Variants in CYTH3 observed in about 807,000 individuals in gnomAD.
CYTH3 encodes cytohesin-3.
In CYTH3, 23 loss-of-function variants were observed where a neutral mutation model predicts 55.1. The ratio of observed to expected loss-of-function variants is 0.42; its 90% CI spans 0.30 to 0.59. CYTH3 has a LOEUF of 0.59. CYTH3 is among the 20% of genes least tolerant of loss of function. The pLI is 0.20. For missense variants in CYTH3, 413 were observed against 524.8 expected, an observed-to-expected ratio of 0.79 and a Z score of 2.08; for synonymous variants, 249 against 194.9, an observed-to-expected ratio of 1.28 and a Z score of -2.31.
chr7:6,185,619 G>A (rs1418721879), intron 4 of CYTH3, among the ~76,000 whole-genome samples: 1 of 151,624 alleles, frequency 6.6e-6, no homozygotes, highest in Non-Finnish European at 1.5e-5. Flanking sequence ...AGAATGGTGT[G>A]AACCCGGGAG....
chr7:6,180,590 A>G (rs1783481372), intron 4 of CYTH3, among the ~76,000 whole-genome samples: 1 of 152,204 alleles, frequency 6.6e-6, no homozygotes, highest in Admixed American at 6.5e-5. Context: ...GGCCTCCTGA[A>G]CTGAGCGAGA....
chr7:6,164,180 G>GC lies in CYTH3; in HGVS notation c.*763dup. 1 of 152,556 alleles carries GC rather than the reference G, an allele frequency of 6.6e-6. No individual in the cohort carries two copies. The highest frequency in any genetic ancestry group is 2.1e-4 in the South Asian group (1 of 4,822). 9.5% of individuals were successfully genotyped at this position (152,556 alleles called of 1,614,324 possible). A position where few individuals can be genotyped will look rare whatever the true frequency, so the allele number is the denominator to read the frequency against. ...CCGTCCCTCCCCCAGCCCGTCCCGA[G>GC]CCCACCTGCTGCCCCCCGGGGCTTG... On this transcript the variant is annotated 3_prime_UTR_variant, in exon 13 of 13. Transcript: ENST00000350796.
intron 1 of CYTH3, among the ~76,000 whole-genome samples, chr7:6,216,148 T>C (rs1784418838): frequency 6.6e-6 from 1 of 152,130 alleles, no homozygotes; most frequent in Admixed American, 6.6e-5. Context: ...TATAAAAAAC[T>C]TTCCTTCTCC....
At chr7:6,265,331 G>C (rs1321016121) in intron 1 of CYTH3, among the ~76,000 whole-genome samples, 3 of 151,880 alleles carry the variant, frequency 2.0e-5, no homozygotes, top group Non-Finnish European at 4.4e-5. Flanking sequence ...AAAAAAGCTT[G>C]GCTGGGCGTG....
chr7:6,166,758 C>CT (rs1783022246), intron 9 of CYTH3, among the ~76,000 whole-genome samples: 1 of 152,142 alleles, frequency 6.6e-6, no homozygotes, highest in South Asian at 2.1e-4. Flanking sequence ...TGCAGTCCCT[C>CT]TGGGACCCTC....
intron 1 of CYTH3, among the ~76,000 whole-genome samples, chr7:6,244,112 G>C (rs1212009171): frequency 6.6e-6 from 1 of 152,170 alleles, no homozygotes; most frequent in Non-Finnish European, 1.5e-5. Flanking sequence ...CCAACATACA[G>C]AATTGCATCT....
intron 1 of CYTH3, among the ~76,000 whole-genome samples, chr7:6,264,352 C>G (rs1780429930): frequency 6.6e-6 from 1 of 152,234 alleles, no homozygotes; most frequent in South Asian, 2.1e-4. Flanking sequence ...TGGCTCATGC[C>G]TGCAATCCAA....
intron 1 of CYTH3, among the ~76,000 whole-genome samples, chr7:6,225,026 G>A (rs914270526): frequency 6.6e-6 from 1 of 152,232 alleles, no homozygotes; most frequent in South Asian, 2.1e-4. Flanking sequence ...ACATTAGCCA[G>A]TGGCTGGCGC....
chr7:6,260,415 A>C (rs926793095), intron 1 of CYTH3, among the ~76,000 whole-genome samples: 1 of 151,248 alleles, frequency 6.6e-6, no homozygotes, highest in Non-Finnish European at 1.5e-5. Context: ...AAACAAACAT[A>C]CCCTTCCCTC....
At chr7:6,172,660 A>G in intron 6 of CYTH3, 1 of 998,978 alleles carries the variant, frequency 1.0e-6, no homozygotes, top group Non-Finnish European at 1.2e-6. Context: ...GGCTCTCGCC[A>G]GAGACTGATG....
chr7:6,219,600 CCT>C (rs1353860063), intron 1 of CYTH3, among the ~76,000 whole-genome samples: 3 of 152,136 alleles, frequency 2.0e-5, no homozygotes, highest in African/African-American at 7.2e-5. Flanking sequence ...TCCCCTCAAC[CCT>C]CTCAGCAAAA....
At chr7:6,196,456 C>CTTT (rs5882084) in intron 1 of CYTH3, among the ~76,000 whole-genome samples, 1 of 113,984 alleles carries the variant, frequency 8.8e-6, no homozygotes, top group Non-Finnish European at 1.7e-5. Context: ...TTCTTTTTTT[C>CTTT]TTTTTTTTTT....
intron 1 of CYTH3, among the ~76,000 whole-genome samples, chr7:6,235,467 T>C (rs966304394): frequency 1.5e-5 from 2 of 135,542 alleles, no homozygotes; most frequent in Non-Finnish European, 3.1e-5. Context: ...AGGGAGACTC[T>C]ATCTCAAAAA....
At position 6,170,604 on chromosome 7, in the gene CYTH3, C is replaced by G. The variant is rs905373667; in HGVS notation, c.754G>C (p.Glu252Gln). The G allele has an allele frequency of 6.2e-7, 1 of 1,613,990 alleles. No individual in the cohort carries two copies. The highest frequency in any genetic ancestry group is 1.3e-5 in the African/African-American group (1 of 75,040). Residue 252 changes from glutamate to glutamine, a missense_variant, in exon 9 of 13, where the codon GAG becomes CAG. Physicochemically the swap from Glu to Gln is conservative, Grantham distance 29. Transcript: ENST00000350796. The surrounding 1 kb of genome is among the most constrained non-coding windows in gnomAD (Gnocchi z 7.8). ...SIKNEPFKIP[E>Q]DDGNDLTHTF... is the part of the protein sequence containing the mutation. ...TGGGTCAGGTCGTTCCCGTCGTCCTCCGGGATCTTAAATGGCTCGTTCTTA... is the reference window on the plus strand; with the variant it reads ...TGGGTCAGGTCGTTCCCGTCGTCCTGCGGGATCTTAAATGGCTCGTTCTTA...
At chr7:6,172,471 C>G (rs574024991) in intron 6 of CYTH3, among the ~76,000 whole-genome samples, 1 of 152,298 alleles carries the variant, frequency 6.6e-6, no homozygotes, top group Non-Finnish European at 1.5e-5. Context: ...TCGAGTCAGC[C>G]CGCATGCCTC....
chr7:6,272,361 C>T, intron 1 of CYTH3, 113 bp downstream of exon 1: 5 of 1,048,310 alleles, frequency 4.8e-6, no homozygotes, highest in Non-Finnish European at 6.0e-6. Flanking sequence ...GCTGCCGCTG[C>T]CCCCGACCCC....
At chr7:6,179,577 T>C (rs1277491433) in intron 4 of CYTH3, among the ~76,000 whole-genome samples, 2 of 148,680 alleles carry the variant, frequency 1.3e-5, no homozygotes, top group Non-Finnish European at 3.0e-5. Context: ...ACCATCTAAA[T>C]TACAAGACAG....
At chr7:6,194,446 T>C (rs1783871467) in intron 1 of CYTH3, among the ~76,000 whole-genome samples, 1 of 152,152 alleles carries the variant, frequency 6.6e-6, no homozygotes, top group Non-Finnish European at 1.5e-5. Context: ...CTCCCATCTC[T>C]TTAAAAATAA....
At chr7:6,210,423 A>T (rs1189104377) in intron 1 of CYTH3, among the ~76,000 whole-genome samples, 3 of 152,246 alleles carry the variant, frequency 2.0e-5, no homozygotes, top group Non-Finnish European at 4.4e-5. Context: ...AATATGAAAG[A>T]AGATTCCTTA....
Sources: allele counts gnomAD v4.1 joint callset (sites outside exome capture counted in the v4.1 genomes callset), GRCh38; gene constraint gnomAD v4.1.1; non-coding constraint Gnocchi (gnomAD v3.1); transcripts MANE v1.5; gene names NCBI Gene and HGNC (gene_info 2026-07-23, HGNC 2026-07-21).